The following GAPDHS variants were observed in gnomAD, a reference collection of about 807,000 sequenced individuals.
GAPDHS encodes the protein glyceraldehyde-3-phosphate dehydrogenase, testis-specific.
Under a neutral mutation model 48.7 loss-of-function variants are expected in GAPDHS, and 42 were observed. That is an observed-to-expected ratio of 0.86 (90% CI 0.67 to 1.12). GAPDHS has a LOEUF of 1.12. Among genes scored for constraint, GAPDHS ranks in the 50% most tolerant of loss-of-function variants. The pLI is 0.00. For synonymous variants in GAPDHS, 166 were observed against 219.1 expected (o/e 0.76, Z 2.14); for missense variants, 512 against 557.7 (o/e 0.92, Z 0.82).
rs778479015 is a variant in GAPDHS at position 35,533,535 on chromosome 19, A to G, written c.8A>G (p.Lys3Arg). 1.9e-6 allele frequency: 3 copies of G among 1,613,682 alleles called. No individual in the cohort carries two copies. The highest frequency in any genetic ancestry group is 2.5e-6 in the Non-Finnish European group (3 of 1,179,826). Residue 3 changes from lysine to arginine, a missense_variant, in exon 1 of 11, where the codon AAG becomes AGG. Coordinates refer to ENST00000222286, the MANE Select transcript of GAPDHS (RefSeq NM_014364.5). ...ATAACCTTATAAGAGGCCATGTCGA[A>G]GCGCGACATCGTCCTCACCAATGTC... MS[K>R]RDIVLTNVTV...
intron 8 of GAPDHS, 26 bp from the exon 9 acceptor site, chr19:35,543,639 C>A: frequency 6.2e-7 from 1 of 1,610,654 alleles, no homozygotes; most frequent in Non-Finnish European, 8.5e-7. Flanking sequence ...AGTTCTGACT[C>A]CTGTTCCTCA....
intron 7 of GAPDHS, 104 bp downstream of exon 7, chr19:35,543,130 G>C (rs932189067): frequency 5.8e-6 from 6 of 1,040,676 alleles, no homozygotes; most frequent in Non-Finnish European, 8.9e-6. Flanking sequence ...GACTGGTTTC[G>C]GGAGGAGAGG....
At chr19:35,533,766 G>A (rs901452204) in intron 1 of GAPDHS, among the ~76,000 whole-genome samples, 172 bp downstream of exon 1, 11 of 152,238 alleles carry the variant, frequency 7.2e-5, no homozygotes, top group Admixed American at 3.9e-4. Context: ...CTGGCAGAGT[G>A]GGGTTTACTG....
Position 35,544,933 on chromosome 19 carries a change from G to C in GAPDHS, c.1081G>C (p.Asp361His), listed in dbSNP as rs2071534516. 6 of 1,613,216 alleles carry C rather than the reference G, an allele frequency of 3.7e-6. No individual in the cohort carries two copies. The highest frequency in any genetic ancestry group is 5.1e-6 in the Non-Finnish European group (6 of 1,179,232). ...DEVVSTDFLG[D>H]THSSIFDAKA... is the part of the protein sequence containing the mutation. ...GGTCGTCTCTACGGACTTCCTCGGT[G>C]ATACCCACTCGTCCATCTTCGATGC... The change falls in exon 10 of 11, where the codon GAT (aspartate) becomes CAT (histidine). Residue 361 changes from aspartate (D) to histidine (H), a missense_variant. Physicochemically the swap from Asp to His is moderately conservative, Grantham distance 81. Coordinates refer to ENST00000222286, the MANE Select transcript of GAPDHS (RefSeq NM_014364.5).
chr19:35,539,867 C>G (rs1478910862), intron 4 of GAPDHS, among the ~76,000 whole-genome samples: 3 of 152,238 alleles, frequency 2.0e-5, no homozygotes, highest in African/African-American at 7.2e-5. Context: ...ACCATTACCG[C>G]CACTTGGAGT....
chr19:35,537,529 A>G (rs1568681651), intron 2 of GAPDHS, among the ~76,000 whole-genome samples: 1 of 152,170 alleles, frequency 6.6e-6, no homozygotes, highest in Non-Finnish European at 1.5e-5. Context: ...AGGAGTGTGG[A>G]TCTTGTTTTA....
chr19:35,536,679 G>A (rs1486545164), intron 1 of GAPDHS, 134 bp from the exon 2 acceptor site: 4 of 660,668 alleles, frequency 6.1e-6, no homozygotes, highest in Admixed American at 2.6e-5. Flanking sequence ...AGAGAAAGTG[G>A]GTTTGGGAAA....
intron 1 of GAPDHS, 144 bp downstream of exon 1, chr19:35,533,738 T>C: frequency 1.7e-6 from 1 of 603,544 alleles, no homozygotes; most frequent in African/African-American, 1.9e-5. Flanking sequence ...TCTCCCTCCC[T>C]CCACACCCGC....
intron 1 of GAPDHS, 39 bp downstream of exon 1, chr19:35,533,633 AGGGTAGT>A: frequency 6.5e-7 from 1 of 1,531,186 alleles, no homozygotes; most frequent in Non-Finnish European, 9.0e-7. Context: ...AGGGGTGGAA[AGGGTAGT>A]GGGGAGCGTC....
chr19:35,534,801 A>G (rs2071454548), intron 1 of GAPDHS, among the ~76,000 whole-genome samples: 1 of 152,152 alleles, frequency 6.6e-6, no homozygotes, highest in African/African-American at 2.4e-5. Context: ...TCAGGCCACA[A>G]GGTCTGTGGC....
In GAPDHS at chr19:35,544,963, G is replaced by A. The variant is rs1307641606; in HGVS notation, c.1111G>A (p.Ala371Thr). 6.2e-7 allele frequency: 1 copy of A among 1,613,934 alleles called. No homozygotes were observed. Among genetic ancestry groups the A allele is most frequent in the Non-Finnish European group, 8.5e-7 (1 of 1,179,796 alleles). Residue 371 changes from alanine to threonine, a missense_variant, in exon 10 of 11, where the codon GCC (alanine) becomes ACC (threonine). By Grantham distance (58) the Ala-to-Thr change is moderately conservative (BLOSUM62 0). Coordinates refer to ENST00000222286, the MANE Select transcript of GAPDHS (RefSeq NM_014364.5). Reference sequence around the variant, plus strand: ...CCACTCGTCCATCTTCGATGCTAAGGCCGGCATTGCGCTCAATGACAATTT... The same window carrying A: ...CCACTCGTCCATCTTCGATGCTAAGACCGGCATTGCGCTCAATGACAATTT... ...DTHSSIFDAK[A>T]GIALNDNFVK... is the part of the protein sequence containing the mutation.
Position 35,544,076 on chromosome 19 carries a change from C to G in GAPDHS, c.1056+249C>G, listed in dbSNP as rs2071526723. ...ACCTCCCTCTTCAGCAAGGCACCCC[C>G]TCAAAATATGTTCTTTTTGTGGCCA... On this transcript the variant is annotated intron_variant, in intron 9 of 10. Coordinates refer to ENST00000222286, the MANE Select transcript of GAPDHS (RefSeq NM_014364.5). 6.0e-6 allele frequency: 3 copies of G among 502,190 alleles called. No individual in the cohort carries two copies. The South Asian group carries it at 1.2e-4, about 20-fold the overall frequency. 31.1% of individuals were successfully genotyped at this position (502,190 alleles called of 1,614,324 possible).
intron 2 of GAPDHS, among the ~76,000 whole-genome samples, chr19:35,537,577 G>A (rs769805094): frequency 8.5e-5 from 13 of 152,178 alleles, no homozygotes; most frequent in Non-Finnish European, 1.5e-5. Context: ...GCCAAGAGAC[G>A]TAATCTGTCT....
chr19:35,542,528 C>G lies in GAPDHS; in HGVS notation c.579C>G (p.Ser193=). Residue 193 remains serine (S), a synonymous_variant, in exon 6 of 11, where the codon TCC becomes TCG. Transcript: ENST00000222286. ...CAGGTGCTCAACGTGTGGTCATCTC[C>G]GCGCCCTCACCGGATGCACCAATGT... ...ISAGAQRVVI[S]APSPDAPMFV... 1.2e-6 allele frequency: 2 copies of G among 1,613,916 alleles called. No homozygotes were observed. Among genetic ancestry groups the G allele is most frequent in the Non-Finnish European group, 1.7e-6 (2 of 1,179,888 alleles).
intron 4 of GAPDHS, among the ~76,000 whole-genome samples, chr19:35,539,909 G>A (rs958625416): frequency 2.6e-5 from 4 of 152,066 alleles, no homozygotes; most frequent in Admixed American, 6.5e-5. Flanking sequence ...TGCCCCCTCC[G>A]TCCACGGTCC....
chr19:35,540,172 C>A (rs1307611767), intron 4 of GAPDHS, among the ~76,000 whole-genome samples: 1 of 152,258 alleles, frequency 6.6e-6, no homozygotes, highest in Admixed American at 6.5e-5. Context: ...ATGGAGTGAA[C>A]ATGTGTTTGT....
rs1600133531 is a variant in GAPDHS, at chr19:35,542,269, G to A, written c.450-50G>A. 3.2e-6 allele frequency: 4 copies of A among 1,256,102 alleles called. No individual in the cohort carries two copies. In the East Asian group the frequency reaches 9.3e-5, roughly 29 times the overall value. 77.8% of individuals were successfully genotyped at this position (1,256,102 alleles called of 1,614,324 possible). ...AATGGTGAAAGCCATGGACTATGAA[G>A]GTGGGGCTCAAGCAGGGGAGACTGA... On this transcript the variant is annotated intron_variant, in intron 4 of 10. Transcript: ENST00000222286.
In GAPDHS at chr19:35,537,558, T is replaced by C. The variant is rs982688416; in HGVS notation, c.245+568T>C. Among the ~76,000 whole-genome samples the C allele has an allele frequency of 7.2e-5, 11 of 152,232 alleles. No homozygotes were observed. In the Middle Eastern group the frequency reaches 0.014, roughly 188 times the overall value. ...TGTTTTACTGATGGACAGTCGTGGATGTTTTCATGCCAAGAGACGTAATCT... is the reference window on the plus strand; with the variant it reads ...TGTTTTACTGATGGACAGTCGTGGACGTTTTCATGCCAAGAGACGTAATCT... On this transcript the variant is annotated intron_variant, in intron 2 of 10. Coordinates refer to ENST00000222286, the MANE Select transcript of GAPDHS (RefSeq NM_014364.5).
intron 1 of GAPDHS, 65 bp downstream of exon 1, chr19:35,533,659 C>A: frequency 8.1e-7 from 1 of 1,236,350 alleles, no homozygotes; most frequent in Non-Finnish European, 1.2e-6. Context: ...TCTGCACCCT[C>A]ACACCTGTGC....
Sources: allele counts gnomAD v4.1 joint callset (sites outside exome capture counted in the v4.1 genomes callset), GRCh38; gene constraint gnomAD v4.1.1; transcripts MANE v1.5; gene names NCBI Gene and HGNC (gene_info 2026-07-23, HGNC 2026-07-21).